MAPKAP1: variants seen among roughly 807,000 people sequenced by gnomAD.
MAPKAP1 encodes target of rapamycin complex 2 subunit MAPKAP1.
In MAPKAP1, 20 loss-of-function variants were observed where a neutral mutation model predicts 65.7. That is an observed-to-expected ratio of 0.30 (90% CI 0.21 to 0.44). The LOEUF (loss-of-function observed/expected upper bound fraction) is 0.44. MAPKAP1 is among the 20% of genes least tolerant of loss of function. MAPKAP1 has a pLI of 1.00. For synonymous variants in MAPKAP1, 222 were observed against 244.3 expected, an observed-to-expected ratio of 0.91 and a Z score of 0.85; for missense variants, 423 against 648.0, an observed-to-expected ratio of 0.65 and a Z score of 3.77.
At chr9:125,538,883 C>T (rs568324728) in intron 7 of MAPKAP1, among the ~76,000 whole-genome samples, 2 of 152,246 alleles carry the variant, frequency 1.3e-5, no homozygotes, top group African/African-American at 2.4e-5. Context: ...TCGATATTTA[C>T]ATTTTACATG....
chr9:125,661,402 C>G (rs181265033), intron 3 of MAPKAP1, among the ~76,000 whole-genome samples: 16 of 152,252 alleles, frequency 1.1e-4, no homozygotes, highest in Admixed American at 3.9e-4. Context: ...AAAAGCAAAG[C>G]CTGAAAACAA....
At chr9:125,594,365 A>T (rs1832061966) in intron 4 of MAPKAP1, among the ~76,000 whole-genome samples, 1 of 152,128 alleles carries the variant, frequency 6.6e-6, no homozygotes, top group African/African-American at 2.4e-5. Flanking sequence ...TGTACACTGA[A>T]CAGTAATTAA....
intron 10 of MAPKAP1, among the ~76,000 whole-genome samples, chr9:125,445,123 C>A (rs1186554785): frequency 6.6e-6 from 1 of 151,162 alleles, no homozygotes; most frequent in Non-Finnish European, 1.5e-5. Context: ...CTCAGGTCAT[C>A]TCAACCCTGG....
At chr9:125,688,676 C>T (rs946178676) in intron 1 of MAPKAP1, among the ~76,000 whole-genome samples, 1 of 152,014 alleles carries the variant, frequency 6.6e-6, no homozygotes, top group African/African-American at 2.4e-5. Flanking sequence ...GCCTAGGCAA[C>T]ATGGCAAAAC....
chr9:125,577,339 T>G (rs1419928377), intron 5 of MAPKAP1, among the ~76,000 whole-genome samples: 25 of 130,048 alleles, frequency 1.9e-4, no homozygotes, highest in Admixed American at 3.7e-4. Flanking sequence ...CCCCGTCTGG[T>G]AAGTGAGGAG....
chr9:125,706,595 G>A (rs764980738), intron 1 of MAPKAP1, among the ~76,000 whole-genome samples: 1 of 152,008 alleles, frequency 6.6e-6, no homozygotes, highest in African/African-American at 2.4e-5. Flanking sequence ...TTAAGGGGGA[G>A]GGGGAGAAGG....
chr9:125,560,314 G>C (rs967975258), intron 5 of MAPKAP1, among the ~76,000 whole-genome samples: 6 of 152,196 alleles, frequency 3.9e-5, no homozygotes, highest in South Asian at 2.1e-4. Context: ...GGACAGGCAT[G>C]GTGGCTCATG....
At chr9:125,480,652 A>G (rs1854273235) in intron 9 of MAPKAP1, among the ~76,000 whole-genome samples, 1 of 152,208 alleles carries the variant, frequency 6.6e-6, no homozygotes, top group Non-Finnish European at 1.5e-5. Context: ...CAATGATAAT[A>G]ACACTACGAT....
intron 5 of MAPKAP1, chr9:125,572,988 C>A (rs944456112): frequency 1.3e-5 from 2 of 151,546 alleles, no homozygotes; most frequent in Non-Finnish European, 1.5e-5. Context: ...ATGCAAGAAA[C>A]CCTCATAGTT....
At chr9:125,533,086 T>C (rs943739375) in intron 7 of MAPKAP1, among the ~76,000 whole-genome samples, 4 of 152,118 alleles carry the variant, frequency 2.6e-5, no homozygotes, top group African/African-American at 9.7e-5. Context: ...TGATGGGGTG[T>C]GTGTGTATGT....
At position 125,671,387 on chromosome 9, in the gene MAPKAP1, T is replaced by C. The variant is rs556885632; in HGVS notation, c.259+929A>G. ...CAGCTCTACCTCCAATATTCCTTTA[T>C]GTGTGTTTTACATTTGGACCATGAA... On this transcript the variant is annotated intron_variant, in intron 2 of 11. Transcript: ENST00000265960. Among the ~76,000 whole-genome samples the C allele has an allele frequency of 2.0e-5, 3 of 152,350 alleles. No homozygotes were observed. The East Asian group carries it at 5.8e-4, about 29-fold the overall frequency.
Position 125,503,880 on chromosome 9 carries a change from C to CTTTT in MAPKAP1, c.1066+2426_1066+2429dup, listed in dbSNP as rs35867576. On this transcript the variant is annotated intron_variant, in intron 8 of 11. Transcript: ENST00000265960. ...TATAGGCACCCGCCACCACGCTTGG[C>CTTTT]TTTTTTTTTTTTTTTTTTTTTTTTT... is the stretch of plus-strand genomic sequence containing the variant. Among the ~76,000 whole-genome samples the CTTTT allele has an allele frequency of 5.0e-4, 33 of 66,238 alleles. 4 individuals carry two copies. The highest frequency in any genetic ancestry group is 1.2e-3 in the South Asian group (2 of 1,678). 43.5% of individuals were successfully genotyped at this position (66,238 alleles called of 152,430 possible).
intron 4 of MAPKAP1, among the ~76,000 whole-genome samples, chr9:125,623,968 G>A (rs1450834375): frequency 1.0e-4 from 4 of 38,514 alleles, no homozygotes; most frequent in Admixed American, 2.3e-4. Flanking sequence ...CAGCCGCCCC[G>A]TCCGGGAGGG....
intron 9 of MAPKAP1, among the ~76,000 whole-genome samples, chr9:125,468,552 C>A (rs1228993156): frequency 6.6e-6 from 1 of 152,154 alleles, no homozygotes; most frequent in East Asian, 1.9e-4. Context: ...TGTAACATCC[C>A]TATGTTTAAA....
chr9:125,641,081 T>C (rs1375957268), intron 4 of MAPKAP1, among the ~76,000 whole-genome samples: 1 of 152,216 alleles, frequency 6.6e-6, no homozygotes, highest in Non-Finnish European at 1.5e-5. Context: ...AATCCACACA[T>C]CATATTTCTG....
rs1447640581 is a variant in MAPKAP1, at chr9:125,447,420, C to T, written c.1346-2822G>A. On this transcript the variant is annotated intron_variant, in intron 10 of 11. Coordinates refer to ENST00000265960, the MANE Select transcript of MAPKAP1 (RefSeq NM_001006617.3). This position sits in a 1 kb window ranked among gnomAD's most constrained non-coding sequence, Gnocchi z 4.5. The stretch of plus-strand genomic sequence containing the variant: ...ACAGCTGCAAAGTTAATCACTGGGC[C>T]GAGGCACGGTGGACAGCCACAGCAG... 8 of 456,648 alleles carry T rather than the reference C, an allele frequency of 1.8e-5. No individual in the cohort carries two copies. Among genetic ancestry groups the T allele is most frequent in the East Asian group, 6.9e-5 (1 of 14,392 alleles). The allele number at this position is 456,648 out of a possible 1,614,324, so 28.3% of individuals were successfully genotyped here.
intron 4 of MAPKAP1, among the ~76,000 whole-genome samples, chr9:125,646,949 T>C (rs1833743544): frequency 6.6e-6 from 1 of 152,226 alleles, no homozygotes; most frequent in South Asian, 2.1e-4. Flanking sequence ...ACTATAACCA[T>C]ACTTTTTAAC....
rs545438718 is a variant in MAPKAP1 at position 125,650,169 on chromosome 9, C to T, written c.498+7482G>A. On this transcript the variant is annotated intron_variant, in intron 4 of 11. Transcript: ENST00000265960. ...TAACAAGCAAGCCCAAGTTACCACTCTCTCACCCAGAGCACTGCAAAAAAT... is the reference window on the plus strand; with the variant it reads ...TAACAAGCAAGCCCAAGTTACCACTTTCTCACCCAGAGCACTGCAAAAAAT... Among the ~76,000 whole-genome samples, 45 of 152,342 alleles carry T rather than the reference C, an allele frequency of 3.0e-4. 1 individual carries two copies. The South Asian group carries it at 5.6e-3, about 19-fold the overall frequency.
chr9:125,560,534 T>C (rs1248625925), intron 5 of MAPKAP1, among the ~76,000 whole-genome samples: 1 of 152,120 alleles, frequency 6.6e-6, no homozygotes, highest in Non-Finnish European at 1.5e-5. Context: ...CAGTGAGCTA[T>C]GATGGTGTTA....
Sources: gnomAD v4.1 joint callset for allele counts (sites outside exome capture counted in the v4.1 genomes callset) on GRCh38, gnomAD v4.1.1 for gene constraint, Gnocchi (gnomAD v3.1) non-coding constraint, MANE v1.5 for transcripts, NCBI Gene and HGNC (gene_info 2026-07-23, HGNC 2026-07-21) for gene names.